The following RSPH10B variants were observed in gnomAD, a reference collection of about 807,000 sequenced individuals.
The protein encoded by RSPH10B is radial spoke head 10 homolog B, also known as radial spoke head 10 homolog B (Chlamydomonas).
RSPH10B carries 7 observed loss-of-function variants against 52.5 expected under a neutral mutation model. That is an observed-to-expected ratio of 0.13 (90% CI 0.08 to 0.25). The LOEUF (loss-of-function observed/expected upper bound fraction) is 0.25. RSPH10B is among the 10% of genes least tolerant of loss of function. The pLI is 1.00. For missense variants in RSPH10B, 89 were observed against 542.5 expected, an observed-to-expected ratio of 0.16 and a Z score of 8.30; for synonymous variants, 28 against 193.2, an observed-to-expected ratio of 0.14 and a Z score of 7.09.
upstream of RSPH10B, among the ~76,000 whole-genome samples, chr7:5,968,306 CT>C (rs1781168360): frequency 7.1e-6 from 1 of 141,036 alleles, no homozygotes; most frequent in Non-Finnish European, 1.5e-5. Flanking sequence ...AGGAGAATCA[CT>C]TGAACCCAGG....
At chr7:5,957,787 G>C in intron 6 of RSPH10B, 120 bp downstream of exon 8, 4 of 1,366,480 alleles carry the variant, frequency 2.9e-6, no homozygotes, top group Non-Finnish European at 3.8e-6. Flanking sequence ...CAGACAGAGA[G>C]AGACTCTGTC....
chr7:5,961,675 GTTT>G (rs370208150), intron 3 of RSPH10B, among the ~76,000 whole-genome samples: 1 of 12,564 alleles, frequency 8.0e-5, no homozygotes, highest in African/African-American at 3.7e-4. Context: ...TTTTGTTGTT[GTTT>G]TTTTGTTTTT....
chr7:5,970,484 C>T (rs1433089886), upstream of RSPH10B: 1 of 135,244 alleles, frequency 7.4e-6, no homozygotes, highest in South Asian at 2.5e-4. Flanking sequence ...ACTGGTCTGC[C>T]CGGCCTAGGC....
rs748036363 is a variant in RSPH10B, at chr7:5,927,070, ATGTGTG to A, written c.2433-528_2433-523del. Among the ~76,000 whole-genome samples, 116 of 110,716 alleles carry A rather than the reference ATGTGTG, an allele frequency of 1.0e-3. 4 individuals are homozygous for A. Among genetic ancestry groups the A allele is most frequent in the Middle Eastern group, 0.011 (2 of 184 alleles). The allele number at this position is 110,716 out of a possible 152,430, so 72.6% of individuals were successfully genotyped here. ...GTATTATGTGTGTGTGTGTGTGTAT[ATGTGTG>A]TGTGTGTGTGTGTGTGTGTGTATTT... is the stretch of plus-strand genomic sequence containing the variant. On this transcript the variant is annotated intron_variant, in intron 18 of 18. Transcript: ENST00000337579.
intron 6 of RSPH10B, 144 bp from the exon 9 acceptor site, chr7:5,956,325 T>C (rs1487419384): frequency 2.5e-4 from 2 of 7,916 alleles, no homozygotes; most frequent in South Asian, 4.3e-3. Flanking sequence ...TGGGTTCAAT[T>C]TCAGCTCAGC....
intron 18 of RSPH10B, among the ~76,000 whole-genome samples, chr7:5,927,074 G>GCGTATATATATA: frequency 1.3e-5 from 1 of 74,212 alleles, no homozygotes; most frequent in Non-Finnish European, 2.5e-5. Context: ...GTGTATATGT[G>GCGTATATATATA]TGTGTGTGTG....
intron 18 of RSPH10B, among the ~76,000 whole-genome samples, chr7:5,927,082 G>GTA (rs1562553449): frequency 8.1e-6 from 1 of 123,786 alleles, no homozygotes; most frequent in African/African-American, 3.3e-5. Flanking sequence ...GTGTGTGTGT[G>GTA]TGTGTGTGTG....
At chr7:5,933,524 C>T (rs1218593653) in intron 16 of RSPH10B, among the ~76,000 whole-genome samples, 4 of 140,696 alleles carry the variant, frequency 2.8e-5, no homozygotes, top group Non-Finnish European at 6.5e-5. Flanking sequence ...CTTTGGGAGG[C>T]CGAGACAGGT....
intron 13 of RSPH10B, among the ~76,000 whole-genome samples, chr7:5,942,351 C>T (rs542944180): frequency 6.0e-5 from 8 of 132,406 alleles, no homozygotes; most frequent in East Asian, 6.0e-4. Context: ...TACAGCTTCC[C>T]GAGTAGCTGG....
intron 3 of RSPH10B, among the ~76,000 whole-genome samples, chr7:5,961,323 A>G (rs1216661502): frequency 6.8e-6 from 1 of 146,066 alleles, no homozygotes; most frequent in Admixed American, 6.9e-5. Context: ...CCCTGTCTCT[A>G]GAAAAAGATT....
At position 5,944,429 on chromosome 7, in the gene RSPH10B, T is replaced by A. The variant is rs574924382; in HGVS notation, c.1530-439A>T. Among the ~76,000 whole-genome samples the A allele has an allele frequency of 2.7e-4, 41 of 150,520 alleles. No homozygotes were observed. In the East Asian group the frequency reaches 4.1e-3, roughly 15 times the overall value. ...ATAAATATATAAATAAAAGTTTTTT[T>A]AAAAAAAGATATAAAACCACTTTTG... On this transcript the variant is annotated intron_variant, in intron 11 of 18. Coordinates refer to ENST00000337579, the Ensembl canonical transcript of RSPH10B.
Position 5,966,863 on chromosome 7 carries a change from C to T in RSPH10B, c.254G>A (p.Ser85Asn), listed in dbSNP as rs1323371801. ...CCGATGGCACCCCCATTAAAATCACCTTTCCACTATGAGTTTGGTCAGAAT... is the reference window on the plus strand; with the variant it reads ...CCGATGGCACCCCCATTAAAATCACTTTTCCACTATGAGTTTGGTCAGAAT... Residue 85 changes from serine (S) to asparagine (N), a missense_variant and splice_region_variant, in exon 1 of 19, where the codon AGC becomes AAC. Coordinates refer to ENST00000337579, the Ensembl canonical transcript of RSPH10B. The T allele has an allele frequency of 2.2e-6, 3 of 1,364,382 alleles. 1 individual carries two copies. The highest frequency in any genetic ancestry group is 3.0e-6 in the Non-Finnish European group (3 of 984,484). The allele number at this position is 1,364,382 out of a possible 1,614,324, so 84.5% of individuals were successfully genotyped here.
intron 18 of RSPH10B, among the ~76,000 whole-genome samples, chr7:5,927,045 GTAT>G (rs1382283652): frequency 1.9e-3 from 231 of 122,912 alleles, no homozygotes; most frequent in Middle Eastern, 4.2e-3. Context: ...GTGTGTGTGT[GTAT>G]TATGTGTGTG....
In RSPH10B at chr7:5,965,830, T is replaced by A. The variant is rs878858717; in HGVS notation, c.255-118A>T. 322 of 268,442 alleles carry A rather than the reference T, an allele frequency of 1.2e-3. 18 individuals are homozygous for A. The highest frequency in any genetic ancestry group is 9.3e-3 in the African/African-American group (264 of 28,506). The allele number at this position is 268,442 out of a possible 1,614,324, so 16.6% of individuals were successfully genotyped here. ...ATGAAGTCAGAAAAAAAAAAATATA[T>A]ATATATATATATACACAGAGCTAGA... On this transcript the variant is annotated intron_variant, in intron 1 of 18. Coordinates refer to ENST00000337579, the Ensembl canonical transcript of RSPH10B.
At chr7:5,939,781 G>A (rs1366014499) in intron 13 of RSPH10B, among the ~76,000 whole-genome samples, 3 of 54,710 alleles carry the variant, frequency 5.5e-5, no homozygotes, top group Middle Eastern at 7.9e-3. Context: ...CGAAAAGCAC[G>A]TCGGGAAACA....
intron 17 of RSPH10B, among the ~76,000 whole-genome samples, chr7:5,928,878 G>A (rs1267637063): frequency 1.3e-5 from 2 of 148,444 alleles, no homozygotes; most frequent in Non-Finnish European, 3.0e-5. Context: ...CACCCACCTC[G>A]GCCTCCCAAA....
At chr7:5,927,022 C>CGTGTCTGTGT (rs1779469349) in intron 18 of RSPH10B, among the ~76,000 whole-genome samples, 1 of 95,926 alleles carries the variant, frequency 1.0e-5, no homozygotes, top group South Asian at 3.2e-4. Context: ...CCCAAAGTTA[C>CGTGTCTGTGT]GTGTGTGTGT....
intron 6 of RSPH10B, among the ~76,000 whole-genome samples, chr7:5,956,793 T>C (rs1780744898): frequency 9.1e-6 from 1 of 110,346 alleles, no homozygotes; most frequent in Admixed American, 1.0e-4. Context: ...GGTCTCAAAC[T>C]CCTGGCCTCA....
chr7:5,953,735 CCTCT>C (rs1324126106), intron 7 of RSPH10B, among the ~76,000 whole-genome samples: 5 of 151,624 alleles, frequency 3.3e-5, no homozygotes, highest in African/African-American at 9.7e-5. Context: ...CTCCCCCTCC[CCTCT>C]CTCTCTCCCC....
Sources: gnomAD v4.1 joint callset for allele counts (sites outside exome capture counted in the v4.1 genomes callset) on GRCh38, gnomAD v4.1.1 for gene constraint, MANE v1.5 for transcripts, NCBI Gene and HGNC (gene_info 2026-07-23, HGNC 2026-07-21) for gene names.